SH3BP2: variants seen among roughly 807,000 people sequenced by gnomAD.
SH3BP2 encodes SH3 domain binding protein 2.
SH3BP2 carries 38 observed loss-of-function variants against 56.2 expected under a neutral mutation model. That is an observed-to-expected ratio of 0.68 (90% CI 0.52 to 0.89). SH3BP2 has a LOEUF of 0.89. Among genes scored for constraint, SH3BP2 ranks in the 40% least tolerant of loss-of-function variants. The pLI is 0.00. For synonymous variants in SH3BP2, 346 were observed against 316.7 expected (o/e 1.09, Z -0.98); for missense variants, 748 against 762.6 (o/e 0.98, Z 0.23).
Position 2,820,606 on chromosome 4 carries a change from T to C in SH3BP2, c.-4-8T>C. ...AGCTGAGCCACGTGCCTTTGTCCTT[T>C]ATTGCAGCTTCATGGCGGCTGAAGA... On this transcript the variant is annotated splice_polypyrimidine_tract_variant and splice_region_variant and intron_variant, in intron 1 of 12. Coordinates refer to ENST00000503393, the MANE Select transcript of SH3BP2 (RefSeq NM_001122681.2). 1 of 1,614,150 alleles carries C rather than the reference T, an allele frequency of 6.2e-7. No individual in the cohort carries two copies. Among genetic ancestry groups the C allele is most frequent in the Middle Eastern group, 1.7e-4 (1 of 6,060 alleles).
chr4:2,807,447 T>C (rs1340170442), intron 1 of SH3BP2, among the ~76,000 whole-genome samples: 1 of 152,150 alleles, frequency 6.6e-6, no homozygotes, highest in Non-Finnish European at 1.5e-5. Flanking sequence ...GGAGATTCAG[T>C]GGGACTTGGA....
intron 5 of SH3BP2, 80 bp downstream of exon 5, chr4:2,825,276 C>A: frequency 8.3e-7 from 1 of 1,198,474 alleles, no homozygotes; most frequent in Non-Finnish European, 1.2e-6. Flanking sequence ...GCCTCCCAGC[C>A]CCGGGCTTGG....
intron 1 of SH3BP2, among the ~76,000 whole-genome samples, chr4:2,805,271 C>T (rs1723485163): frequency 6.6e-6 from 1 of 152,218 alleles, no homozygotes; most frequent in Admixed American, 6.5e-5. Flanking sequence ...CTGATCTGCT[C>T]AGTGACTGCT....
chr4:2,833,086 C>A, intron 12 of SH3BP2, 37 bp downstream of exon 12: 1 of 1,591,980 alleles, frequency 6.3e-7, no homozygotes, highest in Non-Finnish European at 8.6e-7. Context: ...ACCCTGGCCG[C>A]ATGGCCTGGC....
At chr4:2,812,462 G>C (rs761203477) in intron 1 of SH3BP2, 1 of 1,550,200 alleles carries the variant, frequency 6.5e-7, no homozygotes, top group South Asian at 1.2e-5. Context: ...GCCATGTGTT[G>C]GGTCAGCACC....
chr4:2,829,091 A>G lies in SH3BP2; in HGVS notation c.587-402A>G, dbSNP rs1724834134. On this transcript the variant is annotated intron_variant, in intron 7 of 12. Coordinates refer to ENST00000503393, the MANE Select transcript of SH3BP2 (RefSeq NM_001122681.2). This position sits in a 1 kb window ranked among gnomAD's most constrained non-coding sequence, Gnocchi z 4.9. Reference sequence around the variant, plus strand: ...CTTTCTGGATATGTTCTGAGCAAACACGGGCCTTCACCTTCCTCCCAGCTG... The same window carrying G: ...CTTTCTGGATATGTTCTGAGCAAACGCGGGCCTTCACCTTCCTCCCAGCTG... Among the ~76,000 whole-genome samples, 1 of 152,060 alleles carries G rather than the reference A, an allele frequency of 6.6e-6. No individual in the cohort carries two copies. The highest frequency in any genetic ancestry group is 1.5e-5 in the Non-Finnish European group (1 of 68,000).
Position 2,831,427 on chromosome 4 carries a change from TGTC to T in SH3BP2, c.1242-143_1242-141del. 1.4e-6 allele frequency: 1 copy of T among 706,964 alleles called. No homozygotes were observed. The highest frequency in any genetic ancestry group is 2.6e-6 in the Non-Finnish European group (1 of 385,742). The allele number at this position is 706,964 out of a possible 1,614,324, so 43.8% of individuals were successfully genotyped here. The stretch of plus-strand genomic sequence containing the variant: ...GCACGAGCCCTACCCGGATCTCTGT[TGTC>T]CTGAGCTTTTTAGGGTCACAGGGGC... On this transcript the variant is annotated intron_variant, in intron 8 of 12. Transcript: ENST00000503393. The surrounding 1 kb of genome is among the most constrained non-coding windows in gnomAD (Gnocchi z 4.1).
chr4:2,809,427 C>G (rs1484183716), intron 1 of SH3BP2, among the ~76,000 whole-genome samples: 2 of 151,692 alleles, frequency 1.3e-5, no homozygotes, highest in Admixed American at 1.3e-4. Flanking sequence ...CTCCCCTGGA[C>G]TCAGTGCCCT....
intron 1 of SH3BP2, chr4:2,812,452 G>A: frequency 1.3e-6 from 2 of 1,550,198 alleles, no homozygotes; most frequent in Non-Finnish European, 8.7e-7. Flanking sequence ...AGGACGGAGG[G>A]CCATGTGTTG....
intron 1 of SH3BP2, chr4:2,799,271 C>G: frequency 2.0e-6 from 2 of 985,460 alleles, no homozygotes; most frequent in Non-Finnish European, 2.4e-6. Context: ...GGACTTCGCT[C>G]AGCTTCAGAC....
chr4:2,824,990 G>A, intron 4 of SH3BP2, 136 bp from the exon 5 acceptor site: 1 of 826,588 alleles, frequency 1.2e-6, no homozygotes, highest in Non-Finnish European at 2.0e-6. Context: ...GAGCCACACA[G>A]CCATGTTGTA....
At chr4:2,812,519 C>T (rs1225135811) in intron 1 of SH3BP2, 4 of 1,542,704 alleles carry the variant, frequency 2.6e-6, no homozygotes, top group Non-Finnish European at 3.5e-6. Flanking sequence ...GGAGGCGGCA[C>T]TGGTCTAGCA....
Position 2,827,646 on chromosome 4 carries a change from T to C in SH3BP2, c.558T>C (p.Pro186=). The part of the protein sequence containing the change: ...HDDEDDSYLE[P]DSPEPGRLED... ...ATGAGGATGACTCCTACCTGGAGCCTGACTCCCCGGAGCCCGGAAGGCTTG... is the reference window on the plus strand; with the variant it reads ...ATGAGGATGACTCCTACCTGGAGCCCGACTCCCCGGAGCCCGGAAGGCTTG... The change falls in exon 7 of 13, where the codon CCT becomes CCC. Residue 186 remains proline, a synonymous_variant. Coordinates refer to ENST00000503393, the MANE Select transcript of SH3BP2 (RefSeq NM_001122681.2). The C allele has an allele frequency of 1.3e-6, 2 of 1,590,514 alleles. No individual in the cohort carries two copies. Among genetic ancestry groups the C allele is most frequent in the Non-Finnish European group, 1.7e-6 (2 of 1,168,086 alleles).
chr4:2,818,795 A>G, intron 1 of SH3BP2: 2 of 987,130 alleles, frequency 2.0e-6, no homozygotes, highest in Non-Finnish European at 2.4e-6. Context: ...CTTTGGGTGC[A>G]GAAGGAGCTG....
At chr4:2,812,151 T>C in intron 1 of SH3BP2, 3 of 1,414,406 alleles carry the variant, frequency 2.1e-6, no homozygotes, top group Non-Finnish European at 2.8e-6. Context: ...GGATGGTGGA[T>C]GAGGGGCAGC....
rs1045242774 is a variant in SH3BP2 at position 2,831,754 on chromosome 4, G to A, written c.1350+75G>A. 19 of 1,408,542 alleles carry A rather than the reference G, an allele frequency of 1.3e-5. No homozygotes were observed. The highest frequency in any genetic ancestry group is 7.1e-5 in the African/African-American group (5 of 70,360). 87.3% of individuals were successfully genotyped at this position (1,408,542 alleles called of 1,614,324 possible). A position where few individuals can be genotyped will look rare whatever the true frequency, so the allele number is the denominator to read the frequency against. On this transcript the variant is annotated intron_variant, in intron 9 of 12. Transcript: ENST00000503393. This position sits in a 1 kb window ranked among gnomAD's most constrained non-coding sequence, Gnocchi z 4.1. ...TGGTGGGAAAGCCATAGGCCAGGGC[G>A]GCCCCTCACAGACCGTCCTGAGCAA...
chr4:2,812,609 C>T, intron 1 of SH3BP2: 1 of 1,215,946 alleles, frequency 8.2e-7, no homozygotes, highest in East Asian at 2.6e-5. Flanking sequence ...CAGGAGGTGG[C>T]CCTGAGCCTG....
chr4:2,833,878 C>T lies in SH3BP2; in HGVS notation c.*44C>T. 6.5e-7 allele frequency: 1 copy of T among 1,529,560 alleles called. No homozygotes were observed. Among genetic ancestry groups the T allele is most frequent in the Non-Finnish European group, 8.8e-7 (1 of 1,139,314 alleles). The allele number at this position is 1,529,560 out of a possible 1,614,324, so 94.7% of individuals were successfully genotyped here. On this transcript the variant is annotated 3_prime_UTR_variant, in exon 13 of 13. Transcript: ENST00000503393. ...CCAGGCCAAGGCAGTCACAGGGGCC[C>T]TGACCCCAGGCCACACAGACGGACA...
chr4:2,831,876 G>T lies in SH3BP2; in HGVS notation c.1351-47G>T, dbSNP rs780682076. 1.9e-6 allele frequency: 3 copies of T among 1,597,492 alleles called. No homozygotes were observed. The South Asian group carries it at 3.3e-5, about 18-fold the overall frequency. ...GCCACCGTCCGGGGAGTGGTGGTGC[G>T]GGTGGATCACTCCGACGTTGGCACT... is the stretch of plus-strand genomic sequence containing the variant. On this transcript the variant is annotated intron_variant, in intron 9 of 12. Transcript: ENST00000503393. The surrounding 1 kb of genome is among the most constrained non-coding windows in gnomAD (Gnocchi z 4.1).
Sources: allele counts gnomAD v4.1 joint callset (sites outside exome capture counted in the v4.1 genomes callset), GRCh38; gene constraint gnomAD v4.1.1; non-coding constraint Gnocchi (gnomAD v3.1); transcripts MANE v1.5; gene names NCBI Gene and HGNC (gene_info 2026-07-23, HGNC 2026-07-21).